The following MLF1 variants were observed in gnomAD, a reference collection of about 807,000 sequenced individuals.
The protein encoded by MLF1 is myelodysplasia-myeloid leukemia factor 1.
Under a neutral mutation model 38.3 loss-of-function variants are expected in MLF1, and 37 were observed. The ratio of observed to expected loss-of-function variants is 0.96; its 90% confidence interval spans 0.74 to 1.27. The LOEUF (loss-of-function observed/expected upper bound fraction) is 1.27. MLF1 is among the 50% of genes most tolerant of loss of function. The pLI, the probability that MLF1 is intolerant of heterozygous loss-of-function variation, is 0.00. For missense variants in MLF1, 331 were observed against 349.2 expected (o/e 0.95, Z 0.42); for synonymous variants, 95 against 106.5 (o/e 0.89, Z 0.66).
At chr3:158,593,345 A>G (rs1164983825) in intron 2 of MLF1, 37 bp from the exon 3 acceptor site, 3 of 1,473,592 alleles carry the variant, frequency 2.0e-6, no homozygotes, top group African/African-American at 1.4e-5. Flanking sequence ...TATATAATAA[A>G]TGTCATAATC....
At chr3:158,596,570 T>G (rs1381211203) in intron 3 of MLF1, among the ~76,000 whole-genome samples, 2 of 152,164 alleles carry the variant, frequency 1.3e-5, no homozygotes, top group Non-Finnish European at 2.9e-5. Context: ...AAGTGAGTAA[T>G]GAGTGATTAG....
At chr3:158,580,290 TAAA>T (rs138113242) in intron 1 of MLF1, among the ~76,000 whole-genome samples, 36 of 140,878 alleles carry the variant, frequency 2.6e-4, no homozygotes, top group African/African-American at 8.6e-4. Context: ...CCCCGGAACT[TAAA>T]AAAAAAAAAG....
intron 7 of MLF1, among the ~76,000 whole-genome samples, chr3:158,603,866 T>C (rs1720144855): frequency 6.6e-6 from 1 of 151,450 alleles, no homozygotes; most frequent in Non-Finnish European, 1.5e-5. Context: ...TATTATAGAG[T>C]TTTTAAATAC....
intron 1 of MLF1, among the ~76,000 whole-genome samples, chr3:158,585,047 AAAAAAAAAG>A (rs1044354395): frequency 2.7e-5 from 4 of 148,902 alleles, no homozygotes; most frequent in Admixed American, 6.8e-5. Context: ...GAAAAAAAAA[AAAAAAAAAG>A]AAAAAGAAAA....
chr3:158,600,015 TA>T lies in MLF1; in HGVS notation c.458del (p.Lys153ArgfsTer7). On this transcript the variant is annotated frameshift_variant and splice_region_variant, in exon 6 of 8. Transcript: ENST00000466246. LOFTEE classifies it high-confidence loss of function. Reference sequence around the variant, plus strand: ...AATAAAATTTCTTTATTTTTACAGATAAAGGAAACCAGGAAAGCAATGAGAG... The same window carrying T: ...AATAAAATTTCTTTATTTTTACAGATAAGGAAACCAGGAAAGCAATGAGAG... ...STQTRRAPGGIKETRKAMRDS... is the reference protein window; with the variant it reads ...STQTRRAPGGXKETRKAMRDS... 1 of 1,380,184 alleles carries T rather than the reference TA, an allele frequency of 7.2e-7. No homozygotes were observed. The highest frequency in any genetic ancestry group is 9.4e-7 in the Non-Finnish European group (1 of 1,058,574). 85.5% of individuals were successfully genotyped at this position (1,380,184 alleles called of 1,614,324 possible).
In MLF1 at chr3:158,582,949, T is replaced by G. The variant is rs1019782777; in HGVS notation, c.48-9485T>G. On this transcript the variant is annotated intron_variant, in intron 1 of 7. Coordinates refer to ENST00000466246, the MANE Select transcript of MLF1 (RefSeq NM_001369783.1). ...GTTAAGGTAAAATAAACACATTTATTTTTCTTATTCTTAATGGATCTGATA... is the reference window on the plus strand; with the variant it reads ...GTTAAGGTAAAATAAACACATTTATGTTTCTTATTCTTAATGGATCTGATA... 4.5e-6 allele frequency: 3 copies of G among 670,998 alleles called. No homozygotes were observed. The African/African-American group carries it at 5.4e-5, about 12-fold the overall frequency. The allele number at this position is 670,998 out of a possible 1,614,324, so 41.6% of individuals were successfully genotyped here.
At chr3:158,578,410 T>C (rs1043886251) in intron 1 of MLF1, among the ~76,000 whole-genome samples, 2 of 151,286 alleles carry the variant, frequency 1.3e-5, no homozygotes, top group African/African-American at 4.9e-5. Context: ...TGTACATATG[T>C]ATTTGAGAGA....
chr3:158,582,727 G>C (rs1488654153), intron 1 of MLF1: 2 of 522,054 alleles, frequency 3.8e-6, no homozygotes, highest in African/African-American at 4.0e-5. Context: ...CACTGACCTA[G>C]AATTCTGTAT....
chr3:158,601,078 A>G (rs894183511), intron 6 of MLF1, among the ~76,000 whole-genome samples: 4 of 152,070 alleles, frequency 2.6e-5, no homozygotes, highest in African/African-American at 9.6e-5. Context: ...TCCTAGTTTC[A>G]GAAAGTATTT....
chr3:158,594,144 A>C (rs1480048466), intron 3 of MLF1, among the ~76,000 whole-genome samples: 1 of 152,150 alleles, frequency 6.6e-6, no homozygotes, highest in African/African-American at 2.4e-5. Context: ...TAGTAAGACA[A>C]ATAACAAAAA....
intron 4 of MLF1, 100 bp from the exon 5 acceptor site, chr3:158,597,979 TC>T (rs1719138428): frequency 8.1e-7 from 1 of 1,231,562 alleles, no homozygotes; most frequent in East Asian, 2.3e-5. Flanking sequence ...TAGTTTAGTA[TC>T]CTTAGTAGAA....
At chr3:158,579,225 T>C (rs1715962261) in intron 1 of MLF1, among the ~76,000 whole-genome samples, 1 of 152,188 alleles carries the variant, frequency 6.6e-6, no homozygotes, top group Non-Finnish European at 1.5e-5. Flanking sequence ...AAATTTTTCA[T>C]TTGAGAAAAA....
chr3:158,598,225 C>T lies in MLF1; in HGVS notation c.453+17C>T. 1 of 1,601,892 alleles carries T rather than the reference C, an allele frequency of 6.2e-7. No homozygotes were observed. The highest frequency in any genetic ancestry group is 8.5e-7 in the Non-Finnish European group (1 of 1,174,818). ...CCAGGAGGAGTAAGTTTTCTATAAG[C>T]ATTCCTAAAGTTTTATAAAGTTAGG... On this transcript the variant is annotated intron_variant, in intron 5 of 7. Transcript: ENST00000466246.
At position 158,602,896 on chromosome 3, in the gene MLF1, A is replaced by G. The variant is rs2108658551; in HGVS notation, c.703A>G (p.Ser235Gly). 7 of 1,613,830 alleles carry G rather than the reference A, an allele frequency of 4.3e-6. No individual in the cohort carries two copies. Among genetic ancestry groups the G allele is most frequent in the Non-Finnish European group, 5.9e-6 (7 of 1,179,870 alleles). ...RHNLGNTRMR[S>G]VGHENPGSRE... The stretch of plus-strand genomic sequence containing the variant: ...CAATCTAGGAAACACTAGAATGAGA[A>G]GTGTTGGCCATGAGAATCCTGGCTC... The change falls in exon 7 of 8, where the codon AGT becomes GGT. Residue 235 changes from serine (S) to glycine (G), a missense_variant. Physicochemically the swap from Ser to Gly is moderately conservative, Grantham distance 56. Coordinates refer to ENST00000466246, the MANE Select transcript of MLF1 (RefSeq NM_001369783.1).
intron 1 of MLF1, among the ~76,000 whole-genome samples, chr3:158,583,341 A>G (rs548542149): frequency 6.6e-6 from 1 of 152,308 alleles, no homozygotes; most frequent in African/African-American, 2.4e-5. Flanking sequence ...AGGAGAGAAG[A>G]GGCCTCAAGA....
At chr3:158,595,366 C>A (rs1470863582) in intron 3 of MLF1, among the ~76,000 whole-genome samples, 1 of 152,090 alleles carries the variant, frequency 6.6e-6, no homozygotes, top group Non-Finnish European at 1.5e-5. Context: ...ACATTTTGTA[C>A]CCCAACTTTT....
intron 1 of MLF1, among the ~76,000 whole-genome samples, chr3:158,586,966 C>T (rs373097421): frequency 6.6e-6 from 1 of 152,214 alleles, no homozygotes; most frequent in African/African-American, 2.4e-5. Context: ...AAGTTCAGGG[C>T]TCTATCCCCA....
intron 1 of MLF1, among the ~76,000 whole-genome samples, chr3:158,580,423 T>A (rs535181531): frequency 1.3e-5 from 2 of 152,182 alleles, no homozygotes; most frequent in African/African-American, 4.8e-5. Flanking sequence ...AACGACTCCC[T>A]TTCTGCCTTC....
intron 5 of MLF1, among the ~76,000 whole-genome samples, 166 bp downstream of exon 5, chr3:158,598,374 A>G (rs1719219329): frequency 6.6e-6 from 1 of 151,908 alleles, no homozygotes; most frequent in African/African-American, 2.4e-5. Context: ...AAACCATTAA[A>G]GCTCAACTGT....
Sources: allele counts gnomAD v4.1 joint callset (sites outside exome capture counted in the v4.1 genomes callset), GRCh38; gene constraint gnomAD v4.1.1; transcripts MANE v1.5; gene names NCBI Gene and HGNC (gene_info 2026-07-23, HGNC 2026-07-21).